ZBTB7C: variants seen among roughly 807,000 people sequenced by gnomAD.
ZBTB7C encodes zinc finger and BTB domain-containing protein 7C.
ZBTB7C carries 8 observed loss-of-function variants against 25.7 expected under a neutral mutation model. The ratio of observed to expected loss-of-function variants is 0.31; its 90% confidence interval spans 0.18 to 0.56. The LOEUF is 0.56. ZBTB7C is among the 20% of genes least tolerant of loss of function. ZBTB7C has a pLI of 0.91. For synonymous variants in ZBTB7C, 394 were observed against 369.0 expected, an observed-to-expected ratio of 1.07 and a Z score of -0.78; for missense variants, 824 against 855.2, an observed-to-expected ratio of 0.96 and a Z score of 0.46.
chr18:48,081,882 A>G (rs939881678), intron 3 of ZBTB7C, among the ~76,000 whole-genome samples: 1 of 152,220 alleles, frequency 6.6e-6, no homozygotes, highest in African/African-American at 2.4e-5. Context: ...AAAAAAAAAG[A>G]TAGATATAGC....
At chr18:48,208,069 T>C (rs925386569) in intron 2 of ZBTB7C, among the ~76,000 whole-genome samples, 2 of 151,946 alleles carry the variant, frequency 1.3e-5, no homozygotes, top group South Asian at 2.1e-4. Flanking sequence ...AGGACTGCAG[T>C]CAGAAGACAA....
chr18:48,253,546 G>T (rs1568332608), intron 2 of ZBTB7C, among the ~76,000 whole-genome samples: 1 of 152,176 alleles, frequency 6.6e-6, no homozygotes, highest in Non-Finnish European at 1.5e-5. Context: ...GGAGAACTGA[G>T]GCACTAGCAT....
intron 1 of ZBTB7C, among the ~76,000 whole-genome samples, chr18:48,392,370 C>A (rs1401268225): frequency 6.6e-6 from 1 of 152,200 alleles, no homozygotes; most frequent in African/African-American, 2.4e-5. Context: ...CAGAGACACA[C>A]CCCAAAAGAA....
chr18:48,071,366 T>C (rs74450121), intron 3 of ZBTB7C, among the ~76,000 whole-genome samples: 24 of 152,206 alleles, frequency 1.6e-4, no homozygotes, highest in East Asian at 7.7e-4. Flanking sequence ...AAAGAAGACA[T>C]ACAAATGGCC....
chr18:48,213,992 C>T (rs971891700), intron 2 of ZBTB7C, among the ~76,000 whole-genome samples: 3 of 152,202 alleles, frequency 2.0e-5, no homozygotes, highest in Admixed American at 1.3e-4. Flanking sequence ...CACGCATCAG[C>T]CTGCCTTGCG....
At chr18:48,134,524 C>T (rs1414272579) in intron 3 of ZBTB7C, among the ~76,000 whole-genome samples, 1 of 152,214 alleles carries the variant, frequency 6.6e-6, no homozygotes, top group Non-Finnish European at 1.5e-5. Context: ...CTCTGTGAAC[C>T]ATGTACGGTC....
At chr18:48,096,865 T>C (rs570369164) in intron 3 of ZBTB7C, among the ~76,000 whole-genome samples, 3 of 152,322 alleles carry the variant, frequency 2.0e-5, no homozygotes, top group African/African-American at 7.2e-5. Flanking sequence ...GTCTAAGTCA[T>C]TTTCCCCTCC....
chr18:48,054,470 G>GT (rs2036834264), intron 3 of ZBTB7C, among the ~76,000 whole-genome samples: 1 of 152,128 alleles, frequency 6.6e-6, no homozygotes, highest in South Asian at 2.1e-4. Context: ...CATCACAGGT[G>GT]TAAGATGTCC....
At chr18:48,164,247 T>C (rs1436154609) in intron 3 of ZBTB7C, among the ~76,000 whole-genome samples, 1 of 152,188 alleles carries the variant, frequency 6.6e-6, no homozygotes, top group Non-Finnish European at 1.5e-5. Flanking sequence ...GGCTTGCTCC[T>C]GGACTCACAG....
At chr18:48,200,909 G>A (rs373095162) in intron 2 of ZBTB7C, among the ~76,000 whole-genome samples, 1 of 152,220 alleles carries the variant, frequency 6.6e-6, no homozygotes, top group African/African-American at 2.4e-5. Flanking sequence ...ACTGTGGGGA[G>A]AAGCTGAGGT....
At chr18:48,159,757 C>T (rs1380207968) in intron 3 of ZBTB7C, among the ~76,000 whole-genome samples, 2 of 152,170 alleles carry the variant, frequency 1.3e-5, no homozygotes, top group African/African-American at 2.4e-5. Flanking sequence ...TTACTTTTTA[C>T]CAAAGTGCTG....
chr18:48,299,076 T>C (rs753707181), intron 2 of ZBTB7C, among the ~76,000 whole-genome samples: 4 of 151,948 alleles, frequency 2.6e-5, no homozygotes, highest in Non-Finnish European at 4.4e-5. Flanking sequence ...CCAACCCTGA[T>C]GGGGTGGAAG....
chr18:48,138,488 G>A (rs981125369), intron 3 of ZBTB7C, among the ~76,000 whole-genome samples: 2 of 152,162 alleles, frequency 1.3e-5, no homozygotes, highest in South Asian at 4.1e-4. Flanking sequence ...AGGGGAGCAG[G>A]CATTTCCACA....
At chr18:48,135,397 G>A (rs2040118705) in intron 3 of ZBTB7C, among the ~76,000 whole-genome samples, 1 of 152,122 alleles carries the variant, frequency 6.6e-6, no homozygotes, top group South Asian at 2.1e-4. Context: ...AAAGACGTGG[G>A]GTACAATGAG....
intron 3 of ZBTB7C, among the ~76,000 whole-genome samples, chr18:48,084,116 G>T (rs953553859): frequency 6.6e-6 from 1 of 152,170 alleles, no homozygotes; most frequent in Admixed American, 6.5e-5. Flanking sequence ...TGTGCTGAAG[G>T]GTGGTGTTGA....
chr18:48,078,714 G>C (rs959066111), intron 3 of ZBTB7C, among the ~76,000 whole-genome samples: 5 of 152,170 alleles, frequency 3.3e-5, no homozygotes, highest in Admixed American at 6.5e-5. Context: ...GTAGCAGGGT[G>C]GGGGGCTCTG....
At chr18:48,411,149 T>C (rs1479497921), upstream of ZBTB7C, among the ~76,000 whole-genome samples, 1 of 152,140 alleles carries the variant, frequency 6.6e-6, no homozygotes, top group African/African-American at 2.4e-5. Flanking sequence ...TGGAATAGGA[T>C]GTAAGAGTGG....
chr18:48,100,614 ACTTTAAGTGGGAAGT>A (rs1339888166), intron 3 of ZBTB7C, among the ~76,000 whole-genome samples: 2 of 152,312 alleles, frequency 1.3e-5, no homozygotes, highest in Non-Finnish European at 2.9e-5. Flanking sequence ...CTAGACAGAC[ACTTTAAGTGGGAAGT>A]CTGTCTAATG....
intron 1 of ZBTB7C, among the ~76,000 whole-genome samples, chr18:48,388,229 C>A (rs1467351309): frequency 6.6e-6 from 1 of 152,164 alleles, no homozygotes; most frequent in African/African-American, 2.4e-5. Flanking sequence ...TTATCCCTGC[C>A]CTCTCTGGTG....
Sources: gnomAD v4.1 joint callset for allele counts (sites outside exome capture counted in the v4.1 genomes callset) on GRCh38, gnomAD v4.1.1 for gene constraint, MANE v1.5 for transcripts, NCBI Gene and HGNC (gene_info 2026-07-23, HGNC 2026-07-21) for gene names.